GRIN2A: variants seen among roughly 807,000 people sequenced by gnomAD.
The protein encoded by GRIN2A is glutamate ionotropic receptor NMDA type subunit 2A, also known as glutamate receptor ionotropic, NMDA 2A.
In GRIN2A, 22 loss-of-function variants were observed where a neutral mutation model predicts 113.4. The ratio of observed to expected loss-of-function variants is 0.19; its 90% CI spans 0.14 to 0.28. The LOEUF is 0.28. Among genes scored for constraint, GRIN2A ranks in the 10% least tolerant of loss-of-function variants. The probability of loss-of-function intolerance (pLI) is 1.00; values close to 1 mark genes in which losing one functional copy is unlikely to be tolerated. For synonymous variants in GRIN2A, 827 were observed against 738.4 expected, an observed-to-expected ratio of 1.12 and a Z score of -1.94; for missense variants, 1,502 against 1,887.0, an observed-to-expected ratio of 0.80 and a Z score of 3.78.
At chr16:9,975,574 G>A (rs571959302) in intron 2 of GRIN2A, among the ~76,000 whole-genome samples, 22 of 152,266 alleles carry the variant, frequency 1.4e-4, no homozygotes, top group East Asian at 7.7e-4. Flanking sequence ...TGAATCATTC[G>A]TCACAGCAGC....
intron 2 of GRIN2A, among the ~76,000 whole-genome samples, chr16:10,127,638 A>T (rs1289422685): frequency 1.3e-5 from 2 of 152,108 alleles, no homozygotes; most frequent in East Asian, 1.9e-4. Flanking sequence ...TATGTCCTTC[A>T]CCACTGTATC....
intron 2 of GRIN2A, among the ~76,000 whole-genome samples, chr16:9,971,927 A>G (rs2045678600): frequency 6.6e-6 from 1 of 152,220 alleles, no homozygotes; most frequent in South Asian, 2.1e-4. Context: ...TTTGCCACCT[A>G]GGTCTGACAG....
chr16:10,168,685 G>C (rs1304807823), intron 2 of GRIN2A, among the ~76,000 whole-genome samples: 2 of 152,092 alleles, frequency 1.3e-5, no homozygotes, highest in Non-Finnish European at 2.9e-5. Context: ...TTTCACTCTT[G>C]GCCAGGTGCC....
intron 2 of GRIN2A, among the ~76,000 whole-genome samples, chr16:10,027,982 T>C (rs553651456): frequency 6.6e-6 from 1 of 152,306 alleles, no homozygotes; most frequent in South Asian, 2.1e-4. Context: ...ACCTGGCTTC[T>C]CACAGAACAG....
At chr16:9,977,333 T>G (rs555131851) in intron 2 of GRIN2A, among the ~76,000 whole-genome samples, 53 of 152,136 alleles carry the variant, frequency 3.5e-4, no homozygotes, top group African/African-American at 1.1e-3. Flanking sequence ...GACCGGAGTT[T>G]GAATCCTGGG....
chr16:9,781,704 C>T (rs572304792), intron 11 of GRIN2A, among the ~76,000 whole-genome samples: 1 of 146,096 alleles, frequency 6.8e-6, no homozygotes. Flanking sequence ...TATATCAAGA[C>T]TCCTAGAGAT....
At chr16:9,881,873 C>T (rs1046559848) in intron 4 of GRIN2A, among the ~76,000 whole-genome samples, 3 of 152,192 alleles carry the variant, frequency 2.0e-5, no homozygotes, top group African/African-American at 7.2e-5. Context: ...TCCACATAAT[C>T]GTTCTATCAA....
chr16:9,912,985 T>C (rs2044176127), intron 3 of GRIN2A, among the ~76,000 whole-genome samples: 1 of 152,248 alleles, frequency 6.6e-6, no homozygotes, highest in South Asian at 2.1e-4. Context: ...CCTCTGCCCT[T>C]GGCCTCGCCA....
At chr16:10,024,544 CTA>C (rs1216069570) in intron 2 of GRIN2A, among the ~76,000 whole-genome samples, 1 of 152,352 alleles carries the variant, frequency 6.6e-6, no homozygotes, top group Non-Finnish European at 1.5e-5. Context: ...TTAAGCAAAA[CTA>C]TGTTTCAGTC....
In GRIN2A at chr16:9,753,776, A is replaced by G. The variant is rs151137589; in HGVS notation, c.*9373T>C. 1 of 185,498 alleles carries G rather than the reference A, an allele frequency of 5.4e-6. No individual in the cohort carries two copies. The highest frequency in any genetic ancestry group is 2.3e-5 in the African/African-American group (1 of 42,830). 11.5% of individuals were successfully genotyped at this position (185,498 alleles called of 1,614,324 possible). On this transcript the variant is annotated 3_prime_UTR_variant, in exon 13 of 13. Coordinates refer to ENST00000330684, the MANE Select transcript of GRIN2A (RefSeq NM_001134407.3). ...TTGATCAGTGAACATTAATTCCCAA[A>G]TGAAGACCATTGCTTAGAGCAGACA...
At chr16:9,919,303 A>G (rs1029245345) in intron 3 of GRIN2A, among the ~76,000 whole-genome samples, 1 of 152,190 alleles carries the variant, frequency 6.6e-6, no homozygotes, top group African/African-American at 2.4e-5. Flanking sequence ...AATTGCCTTT[A>G]TCATCAGCCT....
At chr16:10,027,939 G>A (rs536399470) in intron 2 of GRIN2A, among the ~76,000 whole-genome samples, 1 of 152,222 alleles carries the variant, frequency 6.6e-6, no homozygotes, top group East Asian at 1.9e-4. Context: ...CCTTAGCCTG[G>A]ACTAATCTCT....
At position 9,754,825 on chromosome 16, in the gene GRIN2A, C is replaced by G; in HGVS notation, c.*8324G>C. ...ATGTTTTCGTATTTCTGGATCTTCGCTCTTTGCTCAGTTATCAATAGTCTT... is the reference window on the plus strand; with the variant it reads ...ATGTTTTCGTATTTCTGGATCTTCGGTCTTTGCTCAGTTATCAATAGTCTT... On this transcript the variant is annotated 3_prime_UTR_variant, in exon 13 of 13. Coordinates refer to ENST00000330684, the MANE Select transcript of GRIN2A (RefSeq NM_001134407.3). 1 of 222,780 alleles carries G rather than the reference C, an allele frequency of 4.5e-6. No homozygotes were observed. The highest frequency in any genetic ancestry group is 9.0e-6 in the Non-Finnish European group (1 of 111,472). 13.8% of individuals were successfully genotyped at this position (222,780 alleles called of 1,614,324 possible).
At chr16:10,042,960 C>G (rs559309418) in intron 2 of GRIN2A, among the ~76,000 whole-genome samples, 3 of 152,310 alleles carry the variant, frequency 2.0e-5, no homozygotes, top group South Asian at 4.1e-4. Context: ...GCCACTGAAT[C>G]CATCAGTCCC....
intron 2 of GRIN2A, among the ~76,000 whole-genome samples, chr16:10,087,131 C>A (rs1247298315): frequency 6.6e-6 from 1 of 152,176 alleles, no homozygotes; most frequent in African/African-American, 2.4e-5. Flanking sequence ...TTGAACCTCT[C>A]ACTTAATAAA....
At chr16:10,150,968 T>A (rs149652123) in intron 2 of GRIN2A, among the ~76,000 whole-genome samples, 2 of 152,254 alleles carry the variant, frequency 1.3e-5, no homozygotes, top group East Asian at 3.9e-4. Context: ...CTGTTGAATA[T>A]CATGCATGTT....
At chr16:10,159,436 T>A (rs1042050220) in intron 2 of GRIN2A, among the ~76,000 whole-genome samples, 1 of 152,134 alleles carries the variant, frequency 6.6e-6, no homozygotes, top group Non-Finnish European at 1.5e-5. Context: ...TGTGGAGGCA[T>A]CTGCAAAGCT....
At position 10,180,109 on chromosome 16, in the gene GRIN2A, C is replaced by G. The variant is rs2050230599; in HGVS notation, c.303G>C (p.Gly101=). The stretch of plus-strand genomic sequence containing the variant: ...CTACGGCCTCCTGGTCCGTGTCGTC[C>G]CCAAACACGAGGCCGTGGATGCGTG... ...SGARIHGLVF[G]DDTDQEAVAQ... is the part of the protein sequence containing the mutation. Residue 101 remains glycine (G), a synonymous_variant, in exon 2 of 13, where the codon GGG becomes GGC. Coordinates refer to ENST00000330684, the MANE Select transcript of GRIN2A (RefSeq NM_001134407.3). The surrounding 1 kb of genome is among the most constrained non-coding windows in gnomAD (Gnocchi z 7.0). 1 of 1,614,174 alleles carries G rather than the reference C, an allele frequency of 6.2e-7. No individual in the cohort carries two copies. Among genetic ancestry groups the G allele is most frequent in the East Asian group, 2.2e-5 (1 of 44,870 alleles).
intron 3 of GRIN2A, among the ~76,000 whole-genome samples, chr16:9,919,001 G>T (rs1401467943): frequency 6.6e-6 from 1 of 151,866 alleles, no homozygotes; most frequent in Admixed American, 6.6e-5. Context: ...GATGAAACCT[G>T]GTCTCTACTA....
Sources: gnomAD v4.1 joint callset for allele counts (sites outside exome capture counted in the v4.1 genomes callset) on GRCh38, gnomAD v4.1.1 for gene constraint, Gnocchi (gnomAD v3.1) non-coding constraint, MANE v1.5 for transcripts, NCBI Gene and HGNC (gene_info 2026-07-23, HGNC 2026-07-21) for gene names.